The following ME3 variants were observed in gnomAD, a reference collection of about 807,000 sequenced individuals.
ME3 encodes the protein NADP-dependent malic enzyme, mitochondrial.
In ME3, 48 loss-of-function variants were observed where a neutral mutation model predicts 68.9. The observed-to-expected ratio is 0.70, with a 90% CI of 0.55 to 0.89. The LOEUF (loss-of-function observed/expected upper bound fraction) is 0.89. Ranked by LOEUF, ME3 falls within the 40% of genes least tolerant of loss-of-function variation. ME3 has a pLI of 0.00. For missense variants in ME3, 675 were observed against 797.4 expected (o/e 0.85, Z 1.85); for synonymous variants, 320 against 318.8 (o/e 1.00, Z -0.04).
At chr11:86,564,197 G>A (rs1957368358) in intron 2 of ME3, among the ~76,000 whole-genome samples, 1 of 151,868 alleles carries the variant, frequency 6.6e-6, no homozygotes, top group African/African-American at 2.4e-5. Context: ...TATTTCATAT[G>A]TTTATTTTCT....
intron 2 of ME3, among the ~76,000 whole-genome samples, chr11:86,571,902 C>G (rs931072382): frequency 6.6e-6 from 1 of 152,204 alleles, no homozygotes; most frequent in Non-Finnish European, 1.5e-5. Flanking sequence ...GCTTGGGATC[C>G]TCTTTCTGGC....
intron 2 of ME3, among the ~76,000 whole-genome samples, chr11:86,635,628 A>G (rs58173252): frequency 0.087 from 13,323 of 152,290 alleles, 629 homozygotes; most frequent in Non-Finnish European, 0.11. Context: ...GGTTTCTAAA[A>G]AAAGGATGAG....
chr11:86,646,819 A>T (rs753868050), intron 2 of ME3, among the ~76,000 whole-genome samples: 1 of 152,234 alleles, frequency 6.6e-6, no homozygotes, highest in African/African-American at 2.4e-5. Flanking sequence ...CAGATTACCC[A>T]TAAAGGGAAG....
At chr11:86,550,507 G>T (rs1956611140) in intron 4 of ME3, among the ~76,000 whole-genome samples, 1 of 152,182 alleles carries the variant, frequency 6.6e-6, no homozygotes. Context: ...AGGTTAACCA[G>T]AACCGGCTGC....
chr11:86,620,853 A>T (rs1228425861), intron 2 of ME3, among the ~76,000 whole-genome samples: 2 of 152,168 alleles, frequency 1.3e-5, no homozygotes, highest in Admixed American at 1.3e-4. Context: ...TCTGTCCTCT[A>T]GGGCCTCAGT....
At chr11:86,547,401 GT>G (rs2139390651) in intron 4 of ME3, among the ~76,000 whole-genome samples, 1 of 147,610 alleles carries the variant, frequency 6.8e-6, no homozygotes, top group African/African-American at 2.5e-5. Flanking sequence ...AACACTGCAT[GT>G]TCTCACTTAT....
chr11:86,610,524 G>A (rs1312923386), intron 2 of ME3, among the ~76,000 whole-genome samples: 1 of 152,156 alleles, frequency 6.6e-6, no homozygotes, highest in Non-Finnish European at 1.5e-5. Flanking sequence ...AAAGGTAGAA[G>A]GTGCAGCAGC....
intron 4 of ME3, among the ~76,000 whole-genome samples, chr11:86,520,874 T>A (rs536848149): frequency 1.3e-5 from 2 of 152,330 alleles, no homozygotes; most frequent in Admixed American, 6.5e-5. Context: ...TTGGGAAAGT[T>A]ACCAGACCTC....
At chr11:86,661,147 A>G (rs750504836) in intron 2 of ME3, among the ~76,000 whole-genome samples, 1 of 152,258 alleles carries the variant, frequency 6.6e-6, no homozygotes, top group African/African-American at 2.4e-5. Context: ...AAGAAAACAC[A>G]TGCACATGAT....
intron 2 of ME3, among the ~76,000 whole-genome samples, chr11:86,589,490 A>C (rs1486297842): frequency 2.0e-5 from 3 of 152,218 alleles, no homozygotes; most frequent in African/African-American, 7.2e-5. Context: ...CTGAGATTCC[A>C]CAGAGGTGTC....
At chr11:86,509,261 C>T (rs1469915642) in intron 4 of ME3, among the ~76,000 whole-genome samples, 1 of 152,218 alleles carries the variant, frequency 6.6e-6, no homozygotes, top group Non-Finnish European at 1.5e-5. Flanking sequence ...GTAGCTGGAT[C>T]CCTAGGCCTG....
At chr11:86,467,589 G>A (rs986620892) in intron 7 of ME3, among the ~76,000 whole-genome samples, 3 of 151,704 alleles carry the variant, frequency 2.0e-5, no homozygotes, top group African/African-American at 7.3e-5. Flanking sequence ...CAGCTAAAAT[G>A]CTGAAAAGGT....
chr11:86,648,745 A>G (rs1945203571), intron 2 of ME3, among the ~76,000 whole-genome samples: 2 of 152,210 alleles, frequency 1.3e-5, no homozygotes, highest in South Asian at 4.1e-4. Flanking sequence ...AAATGTGAAT[A>G]AATTCCTGGA....
chr11:86,510,193 C>T (rs1953412623), intron 4 of ME3, among the ~76,000 whole-genome samples: 1 of 152,154 alleles, frequency 6.6e-6, no homozygotes, highest in South Asian at 2.1e-4. Context: ...TGTCTTGTCT[C>T]AACATCGTCC....
At chr11:86,559,601 G>C (rs539089092) in intron 3 of ME3, 89 bp downstream of exon 3, 3 of 1,446,204 alleles carry the variant, frequency 2.1e-6, no homozygotes, top group Non-Finnish European at 2.8e-6. Context: ...TTTTTAGCTG[G>C]AGAGTTTCCA....
At chr11:86,524,109 T>A (rs762251822) in intron 4 of ME3, among the ~76,000 whole-genome samples, 27 of 152,218 alleles carry the variant, frequency 1.8e-4, no homozygotes, top group Non-Finnish European at 3.1e-4. Context: ...TTTATGGCTG[T>A]GAACATGGCA....
intron 2 of ME3, among the ~76,000 whole-genome samples, chr11:86,606,032 G>C (rs772087024): frequency 6.6e-6 from 1 of 152,120 alleles, no homozygotes; most frequent in Non-Finnish European, 1.5e-5. Context: ...ATCCCTTCTA[G>C]TGAAGTATCT....
intron 4 of ME3, among the ~76,000 whole-genome samples, chr11:86,549,181 C>A (rs1045881575): frequency 6.6e-6 from 1 of 152,344 alleles, no homozygotes; most frequent in South Asian, 2.1e-4. Context: ...TTTGGCTGTT[C>A]TAGTTACCTA....
At chr11:86,500,629 A>T (rs1952663585) in intron 5 of ME3, among the ~76,000 whole-genome samples, 1 of 152,006 alleles carries the variant, frequency 6.6e-6, no homozygotes, top group Non-Finnish European at 1.5e-5. Context: ...AAAATACTTA[A>T]CTCTTTAATT....
Sources: allele counts gnomAD v4.1 joint callset (sites outside exome capture counted in the v4.1 genomes callset), GRCh38; gene constraint gnomAD v4.1.1; transcripts MANE v1.5; gene names NCBI Gene and HGNC (gene_info 2026-07-23, HGNC 2026-07-21).